Variants in LARGE1 observed in about 807,000 individuals in gnomAD.
LARGE1 encodes xylosyl- and glucuronyltransferase LARGE1.
Under a neutral mutation model 87.6 loss-of-function variants are expected in LARGE1, and 43 were observed. The ratio of observed to expected loss-of-function variants is 0.49; its 90% CI spans 0.38 to 0.63. The LOEUF is 0.63. Among genes scored for constraint, LARGE1 ranks in the 30% least tolerant of loss-of-function variants. The probability of loss-of-function intolerance (pLI) is 0.00; values close to 1 mark genes in which losing one functional copy is unlikely to be tolerated. For synonymous variants in LARGE1, 434 were observed against 394.6 expected (o/e 1.10, Z -1.18); for missense variants, 802 against 1,000.2 (o/e 0.80, Z 2.67).
intron 5 of LARGE1, among the ~76,000 whole-genome samples, chr22:33,597,927 T>C (rs1400501243): frequency 6.6e-6 from 1 of 152,136 alleles, no homozygotes; most frequent in African/African-American, 2.4e-5. Context: ...GATCCTTGGA[T>C]GGAAGTGACA....
the LARGE1 span, among the ~76,000 whole-genome samples, chr22:33,134,490 C>T: frequency 6.6e-6 from 1 of 152,202 alleles, no homozygotes; most frequent in East Asian, 1.9e-4. Context: ...ATCTCCTGAG[C>T]TTGTGATCCG....
intron 1 of LARGE1, among the ~76,000 whole-genome samples, chr22:33,777,000 T>G (rs146799964): frequency 6.6e-6 from 1 of 152,008 alleles, no homozygotes; most frequent in South Asian, 2.1e-4. Flanking sequence ...GTGTACAGGA[T>G]AGTCAGGCAG....
At chr22:33,730,728 T>C (rs925810900) in intron 2 of LARGE1, among the ~76,000 whole-genome samples, 1 of 152,120 alleles carries the variant, frequency 6.6e-6, no homozygotes, top group African/African-American at 2.4e-5. Flanking sequence ...TTTACTCTTG[T>C]TGCCCAGGAT....
intron 5 of LARGE1, among the ~76,000 whole-genome samples, chr22:33,589,968 T>G (rs964415752): frequency 6.6e-6 from 1 of 152,224 alleles, no homozygotes; most frequent in Non-Finnish European, 1.5e-5. Context: ...CTATCATTTG[T>G]GTAATTTTTT....
chr22:33,588,195 C>T (rs1213038311), intron 5 of LARGE1, among the ~76,000 whole-genome samples: 1 of 152,208 alleles, frequency 6.6e-6, no homozygotes, highest in Non-Finnish European at 1.5e-5. Flanking sequence ...GGTCCATCCA[C>T]GTAGGCTCCA....
the LARGE1 span, among the ~76,000 whole-genome samples, chr22:33,078,480 C>T: frequency 6.6e-6 from 1 of 152,100 alleles, no homozygotes; most frequent in African/African-American, 2.4e-5. Context: ...TGTTATTATA[C>T]CCATTGTATA....
downstream of LARGE1, among the ~76,000 whole-genome samples, chr22:33,269,562 C>T (rs5754502): frequency 4.6e-5 from 7 of 152,340 alleles, no homozygotes; most frequent in African/African-American, 1.7e-4. Context: ...ACCCAGGAAT[C>T]TGTCAAAGCT....
At position 33,433,464 on chromosome 22, in the gene LARGE1, C is replaced by T. The variant is rs554085859; in HGVS notation, c.788-1199G>A. Among the ~76,000 whole-genome samples, 317 of 151,906 alleles carry T rather than the reference C, an allele frequency of 2.1e-3. 2 individuals are homozygous for T. Among genetic ancestry groups the T allele is most frequent in the Non-Finnish European group, 3.7e-3 (248 of 67,934 alleles). ...ACAAAAAATTAGCCAGGCGTGGTGG[C>T]GGGCACCTGTAGTCCCAGCTACTTG... is the stretch of plus-strand genomic sequence containing the variant. On this transcript the variant is annotated intron_variant, in intron 6 of 14. Transcript: ENST00000397394.
At chr22:33,641,874 G>C (rs1408262157) in intron 3 of LARGE1, among the ~76,000 whole-genome samples, 1 of 152,046 alleles carries the variant, frequency 6.6e-6, no homozygotes, top group Admixed American at 6.6e-5. Context: ...AAGAAATATG[G>C]GACTATGTGA....
chr22:33,411,653 G>GCAAA (rs959532802), intron 7 of LARGE1, among the ~76,000 whole-genome samples: 1 of 152,030 alleles, frequency 6.6e-6, no homozygotes. Flanking sequence ...ACTTGCATAA[G>GCAAA]CAAACAAACA....
At chr22:33,674,647 T>C (rs147744767) in intron 2 of LARGE1, among the ~76,000 whole-genome samples, 1 of 152,260 alleles carries the variant, frequency 6.6e-6, no homozygotes, top group East Asian at 1.9e-4. Flanking sequence ...TTGCAAGCCA[T>C]TCCCAATGCA....
chr22:33,408,489 A>G (rs984608045), intron 7 of LARGE1, among the ~76,000 whole-genome samples: 3 of 152,158 alleles, frequency 2.0e-5, no homozygotes, highest in African/African-American at 4.8e-5. Context: ...TATCAGGCAT[A>G]TAAGTGTGAG....
intron 6 of LARGE1, among the ~76,000 whole-genome samples, chr22:33,509,710 T>C (rs1479228157): frequency 1.3e-5 from 2 of 152,196 alleles, no homozygotes; most frequent in Non-Finnish European, 2.9e-5. Flanking sequence ...CCTTGGCCTC[T>C]GAAAGTGCTG....
intron 5 of LARGE1, among the ~76,000 whole-genome samples, chr22:33,590,348 A>G (rs1354293486): frequency 1.3e-5 from 2 of 152,230 alleles, no homozygotes; most frequent in African/African-American, 4.8e-5. Flanking sequence ...AGTTTAAAGC[A>G]TTTACGTTTA....
At chr22:33,719,093 C>T (rs1243950772) in intron 2 of LARGE1, among the ~76,000 whole-genome samples, 1 of 152,100 alleles carries the variant, frequency 6.6e-6, no homozygotes, top group African/African-American at 2.4e-5. Context: ...CCGGCTGTAT[C>T]TTTGTTTTCA....
At chr22:33,802,359 A>T (rs1345105951) in intron 1 of LARGE1, among the ~76,000 whole-genome samples, 1 of 152,218 alleles carries the variant, frequency 6.6e-6, no homozygotes, top group Non-Finnish European at 1.5e-5. Context: ...GTTCCAGACT[A>T]GACAGGCTGG....
chr22:33,537,241 T>C (rs1447238949), intron 6 of LARGE1, among the ~76,000 whole-genome samples: 1 of 152,244 alleles, frequency 6.6e-6, no homozygotes, highest in African/African-American at 2.4e-5. Flanking sequence ...AAATCAGTCT[T>C]AGCAGGTTAA....
intron 5 of LARGE1, among the ~76,000 whole-genome samples, chr22:33,584,765 G>A (rs986410809): frequency 2.6e-5 from 4 of 152,156 alleles, no homozygotes; most frequent in South Asian, 2.1e-4. Context: ...TGGGTGTCTC[G>A]GAAAATCCTA....
intron 4 of LARGE1, among the ~76,000 whole-genome samples, chr22:33,607,459 C>CT (rs1402722580): frequency 3.0e-5 from 1 of 33,892 alleles, no homozygotes. Context: ...AAAACTGCAT[C>CT]TCAAAAAAAA....
Sources: allele counts gnomAD v4.1 joint callset (sites outside exome capture counted in the v4.1 genomes callset), GRCh38; gene constraint gnomAD v4.1.1; transcripts MANE v1.5; gene names NCBI Gene and HGNC (gene_info 2026-07-23, HGNC 2026-07-21).